The following PHF5A variants were observed in gnomAD, a reference collection of about 807,000 sequenced individuals.
PHF5A encodes the protein PHD finger-like domain-containing protein 5A.
For synonymous variants in PHF5A, 52 were observed against 46.0 expected, an observed-to-expected ratio of 1.13 and a Z score of -0.52; for missense variants, 24 against 140.6, an observed-to-expected ratio of 0.17 and a Z score of 4.19.
chr22:41,466,212 C>A (rs2037865151), intron 3 of PHF5A, among the ~76,000 whole-genome samples: 1 of 152,142 alleles, frequency 6.6e-6, no homozygotes, highest in Non-Finnish European at 1.5e-5. Flanking sequence ...TCATAGTTTT[C>A]TCCCACAAAG....
chr22:41,462,705 T>C (rs2037835293), intron 3 of PHF5A, among the ~76,000 whole-genome samples: 1 of 152,106 alleles, frequency 6.6e-6, no homozygotes, highest in Admixed American at 6.6e-5. Flanking sequence ...TGTGGGCAAG[T>C]TGCTTCTCTT....
chr22:41,467,969 G>C (rs1263835429), intron 2 of PHF5A, 155 bp downstream of exon 2: 4 of 723,058 alleles, frequency 5.5e-6, no homozygotes, highest in African/African-American at 3.6e-5. Context: ...AAGCGGCAGT[G>C]GGGAGTTAGA....
At chr22:41,463,906 GAGTC>G (rs528262771) in intron 3 of PHF5A, among the ~76,000 whole-genome samples, 67 of 150,960 alleles carry the variant, frequency 4.4e-4, no homozygotes, top group Admixed American at 9.2e-4. Flanking sequence ...AAAAAAAAAA[GAGTC>G]AGACCACCTA....
chr22:41,461,088 G>A (rs1419335809), intron 3 of PHF5A, among the ~76,000 whole-genome samples: 1 of 152,066 alleles, frequency 6.6e-6, no homozygotes, highest in Non-Finnish European at 1.5e-5. Flanking sequence ...CAGGAGAATC[G>A]TTTGAACCCA....
At chr22:41,464,868 G>A (rs757657222) in intron 3 of PHF5A, among the ~76,000 whole-genome samples, 5 of 152,130 alleles carry the variant, frequency 3.3e-5, no homozygotes, top group Non-Finnish European at 7.3e-5. Flanking sequence ...CACCCTACAG[G>A]GGATACCTCT....
At chr22:41,462,412 C>T (rs868815193) in intron 3 of PHF5A, among the ~76,000 whole-genome samples, 1 of 152,210 alleles carries the variant, frequency 6.6e-6, no homozygotes, top group Admixed American at 6.5e-5. Flanking sequence ...CTAACACTAA[C>T]ATTTTAGGAT....
rs1286291602 is a variant in PHF5A, at chr22:41,459,907, C to T, written c.*491G>A. Reference sequence around the variant, plus strand: ...TCAAGAGGGCAGAGCCCTGCCCCCCCACCCCCCCCCCAAAAAAAACGGGAA... The same window carrying T: ...TCAAGAGGGCAGAGCCCTGCCCCCCTACCCCCCCCCCAAAAAAAACGGGAA... On this transcript the variant is annotated 3_prime_UTR_variant, in exon 4 of 4. Coordinates refer to ENST00000216252, the MANE Select transcript of PHF5A (RefSeq NM_032758.4). The T allele has an allele frequency of 4.1e-5, 2 of 48,682 alleles. No individual in the cohort carries two copies. Among genetic ancestry groups the T allele is most frequent in the Non-Finnish European group, 8.3e-5 (2 of 24,024 alleles). The allele number at this position is 48,682 out of a possible 1,614,324, so 3.0% of individuals were successfully genotyped here. A position where few individuals can be genotyped will look rare whatever the true frequency, so the allele number is the denominator to read the frequency against.
chr22:41,468,268 A>T (rs996399115), intron 1 of PHF5A, 121 bp from the exon 2 acceptor site: 17 of 884,698 alleles, frequency 1.9e-5, no homozygotes, highest in Non-Finnish European at 2.7e-5. Flanking sequence ...AGACCTGCGG[A>T]TAGCCATTTT....
chr22:41,460,946 G>A (rs1284298505), intron 3 of PHF5A, among the ~76,000 whole-genome samples: 1 of 152,180 alleles, frequency 6.6e-6, no homozygotes, highest in Admixed American at 6.5e-5. Flanking sequence ...GCCGAGGCAG[G>A]TGGATCACCT....
intron 3 of PHF5A, among the ~76,000 whole-genome samples, chr22:41,464,170 G>C (rs1255851058): frequency 6.6e-6 from 1 of 152,212 alleles, no homozygotes; most frequent in Non-Finnish European, 1.5e-5. Context: ...GGGATTACAT[G>C]ATGTGGCACC....
At chr22:41,462,021 AT>A (rs2037831016) in intron 3 of PHF5A, among the ~76,000 whole-genome samples, 1 of 152,146 alleles carries the variant, frequency 6.6e-6, no homozygotes, top group South Asian at 2.1e-4. Flanking sequence ...AATTCACTTA[AT>A]TTGACACATG....
At chr22:41,468,198 A>C (rs1204954818) in intron 1 of PHF5A, 51 bp from the exon 2 acceptor site, 2 of 1,601,120 alleles carry the variant, frequency 1.2e-6, no homozygotes, top group Non-Finnish European at 1.7e-6. Flanking sequence ...GGTTTTGAGA[A>C]AGAGGAGAAG....
At chr22:41,464,654 T>G (rs1487431380) in intron 3 of PHF5A, among the ~76,000 whole-genome samples, 1 of 152,248 alleles carries the variant, frequency 6.6e-6, no homozygotes, top group Non-Finnish European at 1.5e-5. Context: ...TTATTAAGCA[T>G]TCTCTGGTTG....
At chr22:41,463,724 CAAA>C (rs11387908) in intron 3 of PHF5A, among the ~76,000 whole-genome samples, 2 of 59,064 alleles carry the variant, frequency 3.4e-5, no homozygotes, top group African/African-American at 7.4e-5. Flanking sequence ...GACTCTGTCT[CAAA>C]AAAAAAAAAA....
rs534756751 is a variant in PHF5A at position 41,466,066 on chromosome 22, C to T, written c.243+1382G>A. 1.6e-4 allele frequency among the ~76,000 whole-genome samples: 25 copies of T among 152,236 alleles called. 1 individual carries two copies. In the South Asian group the frequency reaches 5.0e-3, roughly 30 times the overall value. ...TAACATCTATAAAAGACCTATTCTT[C>T]GCTCATGGGAATATGAAGAATTACG... On this transcript the variant is annotated intron_variant, in intron 3 of 3. Coordinates refer to ENST00000216252, the MANE Select transcript of PHF5A (RefSeq NM_032758.4).
chr22:41,467,648 T>G (rs752140588), intron 2 of PHF5A, 34 bp from the exon 3 acceptor site: 10 of 1,610,958 alleles, frequency 6.2e-6, no homozygotes, highest in Non-Finnish European at 8.5e-6. Flanking sequence ...TGCTCACAAG[T>G]TCTTCAGTCC....
At chr22:41,464,363 AG>A (rs911118523) in intron 3 of PHF5A, among the ~76,000 whole-genome samples, 2 of 152,218 alleles carry the variant, frequency 1.3e-5, no homozygotes, top group African/African-American at 4.8e-5. Context: ...CCTTGGTTGT[AG>A]GAAGGTTTCT....
chr22:41,464,078 T>C (rs1306651977), intron 3 of PHF5A, among the ~76,000 whole-genome samples: 2 of 152,174 alleles, frequency 1.3e-5, no homozygotes, highest in Non-Finnish European at 2.9e-5. Context: ...GCTTCATAAA[T>C]GTTAGTGCTA....
chr22:41,461,161 GA>G (rs1232051089), intron 3 of PHF5A, among the ~76,000 whole-genome samples: 2 of 151,952 alleles, frequency 1.3e-5, no homozygotes, highest in African/African-American at 4.8e-5. Context: ...TAACAAGAGA[GA>G]AACTCCATCT....
Sources: allele counts gnomAD v4.1 joint callset (sites outside exome capture counted in the v4.1 genomes callset), GRCh38; gene constraint gnomAD v4.1.1; transcripts MANE v1.5; gene names NCBI Gene and HGNC (gene_info 2026-07-23, HGNC 2026-07-21).